Variants in AGAP1 observed in about 807,000 individuals in gnomAD.
The protein encoded by AGAP1 is arf-GAP with GTPase, ANK repeat and PH domain-containing protein 1.
In AGAP1, 29 loss-of-function variants were observed where a neutral mutation model predicts 105.3. That is an observed-to-expected ratio of 0.28 (90% CI 0.21 to 0.38). The LOEUF (loss-of-function observed/expected upper bound fraction) is 0.38. AGAP1 is among the 10% of genes least tolerant of loss of function. The pLI, the probability that AGAP1 is intolerant of heterozygous loss-of-function variation, is 1.00. For missense variants in AGAP1, 998 were observed against 1,165.1 expected, an observed-to-expected ratio of 0.86 and a Z score of 2.09; for synonymous variants, 509 against 485.9, an observed-to-expected ratio of 1.05 and a Z score of -0.63.
intron 6 of AGAP1, among the ~76,000 whole-genome samples, chr2:235,780,614 A>G (rs997875735): frequency 6.6e-6 from 1 of 152,226 alleles, no homozygotes; most frequent in African/African-American, 2.4e-5. Flanking sequence ...CGGTGTAGCT[A>G]ATGAGAAAGA....
intron 11 of AGAP1, among the ~76,000 whole-genome samples, chr2:235,910,931 A>G (rs1163911984): frequency 6.6e-6 from 1 of 152,012 alleles, no homozygotes; most frequent in East Asian, 2.0e-4. Context: ...AAAAAAATCT[A>G]TCAAGCACCT....
rs3056061 is a variant in AGAP1, at chr2:235,646,270, CA to C, written c.164-62892del. 6.2e-3 allele frequency among the ~76,000 whole-genome samples: 699 copies of C among 112,926 alleles called. 9 individuals carry two copies. Among genetic ancestry groups the C allele is most frequent in the African/African-American group, 0.021 (591 of 28,046 alleles). 74.1% of individuals were successfully genotyped at this position (112,926 alleles called of 152,430 possible). A position where few individuals can be genotyped will look rare whatever the true frequency, so the allele number is the denominator to read the frequency against. On this transcript the variant is annotated intron_variant, in intron 1 of 17. Coordinates refer to ENST00000304032, the MANE Select transcript of AGAP1 (RefSeq NM_001037131.3). ...GGGCAACAGATCTAGACTCTGTCTC[CA>C]AAAAAAAAAAAAAAAAGGTTGTTTT... is the stretch of plus-strand genomic sequence containing the variant.
chr2:235,969,926 G>T (rs1433104836), intron 13 of AGAP1, among the ~76,000 whole-genome samples: 1 of 152,082 alleles, frequency 6.6e-6, no homozygotes, highest in Non-Finnish European at 1.5e-5. Flanking sequence ...TTTTCGTCGG[G>T]CACGGTGGCT....
rs11884457 is a variant in AGAP1 at position 235,767,537 on chromosome 2, G to A, written c.673+17049G>A. ...AGAGAGATGAAGCCTCAAAGGCAAA[G>A]TCAGACTGACACTCCTGGGAGCATG... On this transcript the variant is annotated intron_variant, in intron 6 of 17. Coordinates refer to ENST00000304032, the MANE Select transcript of AGAP1 (RefSeq NM_001037131.3). Among the ~76,000 whole-genome samples the A allele has an allele frequency of 1.9e-3, 294 of 152,286 alleles. 1 individual carries two copies. Among genetic ancestry groups the A allele is most frequent in the African/African-American group, 6.8e-3 (282 of 41,554 alleles).
At chr2:235,821,104 A>G (rs1464142745) in intron 9 of AGAP1, among the ~76,000 whole-genome samples, 2 of 152,224 alleles carry the variant, frequency 1.3e-5, no homozygotes, top group African/African-American at 4.8e-5. Context: ...CTTTAGTGTA[A>G]AACAGTGTGT....
chr2:235,869,420 TAAAAA>T (rs35813316), intron 9 of AGAP1, among the ~76,000 whole-genome samples: 1 of 49,958 alleles, frequency 2.0e-5, no homozygotes, highest in Non-Finnish European at 3.7e-5. Context: ...CCATCTCTAC[TAAAAA>T]AAAAAAAAAA....
intron 16 of AGAP1, among the ~76,000 whole-genome samples, chr2:236,110,645 T>A (rs906247456): frequency 6.6e-6 from 1 of 152,206 alleles, no homozygotes; most frequent in Non-Finnish European, 1.5e-5. Flanking sequence ...CTGATACTTT[T>A]CCTAGTCTGC....
chr2:235,860,649 T>G (rs894861950), intron 9 of AGAP1, among the ~76,000 whole-genome samples: 2 of 152,220 alleles, frequency 1.3e-5, no homozygotes, highest in Non-Finnish European at 2.9e-5. Flanking sequence ...TACAGAGAAG[T>G]GGCAGTAGTA....
At chr2:235,820,616 G>A (rs977138532) in intron 9 of AGAP1, among the ~76,000 whole-genome samples, 1 of 152,302 alleles carries the variant, frequency 6.6e-6, no homozygotes, top group South Asian at 2.1e-4. Context: ...ATCAGCCACA[G>A]CCTCTGTGAT....
At position 235,728,749 on chromosome 2, in the gene AGAP1, C is replaced by G. The variant is rs542750074; in HGVS notation, c.310+11105C>G. ...AAAATCAACACTTGCTCTTTGAAGGCCAAATACATTGAAATGAAAGCGTGC... is the reference window on the plus strand; with the variant it reads ...AAAATCAACACTTGCTCTTTGAAGGGCAAATACATTGAAATGAAAGCGTGC... On this transcript the variant is annotated intron_variant, in intron 3 of 17. Coordinates refer to ENST00000304032, the MANE Select transcript of AGAP1 (RefSeq NM_001037131.3). This position sits in a 1 kb window ranked among gnomAD's most constrained non-coding sequence, Gnocchi z 4.3. Among the ~76,000 whole-genome samples, 60 of 152,234 alleles carry G rather than the reference C, an allele frequency of 3.9e-4. No homozygotes were observed. Among genetic ancestry groups the G allele is most frequent in the Non-Finnish European group, 7.4e-4 (50 of 68,020 alleles).
rs116614111 is a variant in AGAP1, at chr2:235,620,827, C to T, written c.164-88352C>T. 3.2e-3 allele frequency among the ~76,000 whole-genome samples: 490 copies of T among 152,332 alleles called. 4 individuals carry two copies. Among genetic ancestry groups the T allele is most frequent in the African/African-American group, 0.012 (482 of 41,578 alleles). On this transcript the variant is annotated intron_variant, in intron 1 of 17. Transcript: ENST00000304032. This position sits in a 1 kb window ranked among gnomAD's most constrained non-coding sequence, Gnocchi z 4.5. Reference sequence around the variant, plus strand: ...AAGTGAATGAGTGATCCTGAGTTTGCTCTGGTTTCCTTCTAGTTGTGGGAA... The same window carrying T: ...AAGTGAATGAGTGATCCTGAGTTTGTTCTGGTTTCCTTCTAGTTGTGGGAA...
intron 10 of AGAP1, among the ~76,000 whole-genome samples, chr2:235,884,900 A>G (rs1299549115): frequency 1.3e-5 from 2 of 151,852 alleles, no homozygotes; most frequent in Non-Finnish European, 2.9e-5. Flanking sequence ...TTTGGTAGAG[A>G]CTGGGTCTCC....
rs542724714 is a variant in AGAP1 at position 235,700,104 on chromosome 2, C to T, written c.164-9075C>T. 1.3e-5 allele frequency among the ~76,000 whole-genome samples: 2 copies of T among 152,292 alleles called. No individual in the cohort carries two copies. Among genetic ancestry groups the T allele is most frequent in the Non-Finnish European group, 2.9e-5 (2 of 68,036 alleles). ...AGATGCTTGCAACAAAACTTGTTAT[C>T]ACCTTGGTTTATAACAGTGAGATGG... On this transcript the variant is annotated intron_variant, in intron 1 of 17. Transcript: ENST00000304032. This position sits in a 1 kb window ranked among gnomAD's most constrained non-coding sequence, Gnocchi z 6.1.
intron 2 of AGAP1, among the ~76,000 whole-genome samples, chr2:235,715,011 A>T (rs1054583897): frequency 2.6e-5 from 4 of 152,002 alleles, no homozygotes; most frequent in Non-Finnish European, 4.4e-5. Flanking sequence ...GTTAGCCAGG[A>T]TGGTCTCGAT....
intron 13 of AGAP1, among the ~76,000 whole-genome samples, chr2:236,023,705 G>A (rs1297369786): frequency 6.6e-6 from 1 of 152,082 alleles, no homozygotes; most frequent in Admixed American, 6.6e-5. Context: ...CAGCAAACAT[G>A]CCCGTCCCCC....
rs1185532340 is a variant in AGAP1 at position 235,867,741 on chromosome 2, CAG to C, written c.1051-15603_1051-15602del. Reference sequence around the variant, plus strand: ...TGTTCGTTACGGAAAAGTGGGATGTCAGGGGAGCCTCAGCAGGGGCATCACCT... The same window carrying C: ...TGTTCGTTACGGAAAAGTGGGATGTCGGGAGCCTCAGCAGGGGCATCACCT... On this transcript the variant is annotated intron_variant, in intron 9 of 17. Transcript: ENST00000304032. The surrounding 1 kb of genome is among the most constrained non-coding windows in gnomAD (Gnocchi z 5.4). Among the ~76,000 whole-genome samples the C allele has an allele frequency of 6.6e-6, 1 of 152,114 alleles. No homozygotes were observed. The highest frequency in any genetic ancestry group is 1.5e-5 in the Non-Finnish European group (1 of 68,008).
chr2:235,853,077 A>G, intron 9 of AGAP1: 1 of 1,234,616 alleles, frequency 8.1e-7, no homozygotes, highest in South Asian at 4.2e-5. Flanking sequence ...AAAGGAAGGA[A>G]ATCAATGAGC....
chr2:236,102,773 T>A (rs1182480565), intron 16 of AGAP1, among the ~76,000 whole-genome samples: 3 of 152,100 alleles, frequency 2.0e-5, no homozygotes, highest in Non-Finnish European at 2.9e-5. Context: ...AAACGTCCCG[T>A]GTTTTGTTGT....
At position 236,090,113 on chromosome 2, in the gene AGAP1, G is replaced by A. The variant is rs144479344; in HGVS notation, c.2115-30079G>A. ...CTGCTCTCCTCACCTTGCCCTGCGC[G>A]CCTGAGCCCTTCACAGAGACCGGCC... On this transcript the variant is annotated intron_variant, in intron 16 of 17. Coordinates refer to ENST00000304032, the MANE Select transcript of AGAP1 (RefSeq NM_001037131.3). The surrounding 1 kb of genome is among the most constrained non-coding windows in gnomAD (Gnocchi z 4.3). Among the ~76,000 whole-genome samples, 8 of 152,286 alleles carry A rather than the reference G, an allele frequency of 5.3e-5. No individual in the cohort carries two copies. The highest frequency in any genetic ancestry group is 2.1e-4 in the South Asian group (1 of 4,824).
Sources: allele counts gnomAD v4.1 joint callset (sites outside exome capture counted in the v4.1 genomes callset), GRCh38; gene constraint gnomAD v4.1.1; non-coding constraint Gnocchi (gnomAD v3.1); transcripts MANE v1.5; gene names NCBI Gene and HGNC (gene_info 2026-07-23, HGNC 2026-07-21).